The following FXYD7 variants were observed in gnomAD, a reference collection of about 807,000 sequenced individuals.
FXYD7 encodes FXYD domain-containing ion transport regulator 7.
In FXYD7, 7 loss-of-function variants were observed where a neutral mutation model predicts 15.3. The ratio of observed to expected loss-of-function variants is 0.46; its 90% CI spans 0.26 to 0.86. The LOEUF (loss-of-function observed/expected upper bound fraction) is 0.86, where lower values mean the gene tolerates loss of function less well. Among genes scored for constraint, FXYD7 ranks in the 40% least tolerant of loss-of-function variants. FXYD7 has a pLI of 0.16. For missense variants in FXYD7, 78 were observed against 100.6 expected (o/e 0.78, Z 0.96); for synonymous variants, 39 against 39.3 (o/e 0.99, Z 0.03).
chr19:35,153,051 T>TTTTTTTTTTTTTTG (rs2065320829), intron 5 of FXYD7, among the ~76,000 whole-genome samples: 1 of 126,054 alleles, frequency 7.9e-6, no homozygotes, highest in Non-Finnish European at 1.7e-5. Flanking sequence ...TTTTTTTTTT[T>TTTTTTTTTTTTTTG]TTTTTTTTTT....
intron 5 of FXYD7, among the ~76,000 whole-genome samples, chr19:35,153,413 C>T (rs1433459999): frequency 2.0e-5 from 3 of 152,126 alleles, no homozygotes; most frequent in East Asian, 3.8e-4. Context: ...CTTATGGATG[C>T]GTGGGGCAGC....
chr19:35,153,943 G>C lies in FXYD7; in HGVS notation c.*27G>C, dbSNP rs756733652. 6.2e-7 allele frequency: 1 copy of C among 1,608,940 alleles called. No individual in the cohort carries two copies. The highest frequency in any genetic ancestry group is 8.5e-7 in the Non-Finnish European group (1 of 1,177,146). ...ACCTTCCCGAGGAAACTCCGCTGCCGACCCTGCCTGAGCGCGGGAGCCTGA... is the reference window on the plus strand; with the variant it reads ...ACCTTCCCGAGGAAACTCCGCTGCCCACCCTGCCTGAGCGCGGGAGCCTGA... On this transcript the variant is annotated 3_prime_UTR_variant, in exon 6 of 6. Coordinates refer to ENST00000270310, the MANE Select transcript of FXYD7 (RefSeq NM_022006.2).
At chr19:35,147,375 C>T (rs74733101) in intron 1 of FXYD7, among the ~76,000 whole-genome samples, 4,129 of 152,238 alleles carry the variant, frequency 0.027, 82 homozygotes, top group Non-Finnish European at 0.042. Context: ...CCAAATTCTG[C>T]TCTAGGGAAG....
chr19:35,145,933 A>G (rs1417739392), intron 1 of FXYD7, among the ~76,000 whole-genome samples: 1 of 150,230 alleles, frequency 6.7e-6, no homozygotes, highest in Non-Finnish European at 1.5e-5. Flanking sequence ...CACTTCTGCT[A>G]CACCCAGCTA....
rs777409658 is a variant in FXYD7, at chr19:35,153,875, G to A, written c.221-19G>A. ...AGTTTCCACCTTTCTAGTGGCTCAC[G>A]CACCCCCTCTCTCCCCAGCCCCTGG... On this transcript the variant is annotated intron_variant, in intron 5 of 5. Transcript: ENST00000270310. The A allele has an allele frequency of 1.3e-5, 21 of 1,611,836 alleles. No individual in the cohort carries two copies. The highest frequency in any genetic ancestry group is 2.7e-5 in the African/African-American group (2 of 74,814).
chr19:35,147,535 C>T (rs1489855387), intron 1 of FXYD7, among the ~76,000 whole-genome samples: 2 of 152,186 alleles, frequency 1.3e-5, no homozygotes, highest in African/African-American at 4.8e-5. Context: ...GAGACACACA[C>T]ACATTTTATC....
chr19:35,153,986 TGG>T lies in FXYD7; in HGVS notation c.*73_*74del. 1 of 1,492,788 alleles carries T rather than the reference TGG, an allele frequency of 6.7e-7. No homozygotes were observed. Among genetic ancestry groups the T allele is most frequent in the Non-Finnish European group, 9.3e-7 (1 of 1,079,136 alleles). The allele number at this position is 1,492,788 out of a possible 1,614,324, so 92.5% of individuals were successfully genotyped here. A position where few individuals can be genotyped will look rare whatever the true frequency, so the allele number is the denominator to read the frequency against. Reference sequence around the variant, plus strand: ...GAGCCTGAGGACCGGGTGGAGGCGGTGGGGACCCAGCCGCGCGCCGGGAGCGC... The same window carrying T: ...GAGCCTGAGGACCGGGTGGAGGCGGTGGACCCAGCCGCGCGCCGGGAGCGC... On this transcript the variant is annotated 3_prime_UTR_variant, in exon 6 of 6. Coordinates refer to ENST00000270310, the MANE Select transcript of FXYD7 (RefSeq NM_022006.2).
At chr19:35,152,819 G>A (rs2065316934) in intron 5 of FXYD7, among the ~76,000 whole-genome samples, 1 of 151,630 alleles carries the variant, frequency 6.6e-6, no homozygotes, top group Non-Finnish European at 1.5e-5. Flanking sequence ...TCTCTTTGAG[G>A]CTGTTAATTT....
At position 35,151,675 on chromosome 19, in the gene FXYD7, T is replaced by G. The variant is rs2065310742; in HGVS notation, c.220+2T>G. The stretch of plus-strand genomic sequence containing the variant: ...GTAAGTCTGAGCTTCCCTCTTCAGG[T>G]GAGGGTGAGAAACTGTGTGGTTCTG... On this transcript the variant is annotated splice_donor_variant, in intron 5 of 5. Coordinates refer to ENST00000270310, the MANE Select transcript of FXYD7 (RefSeq NM_022006.2). LOFTEE classifies it high-confidence loss of function. 6.2e-7 allele frequency: 1 copy of G among 1,608,306 alleles called. No homozygotes were observed. The highest frequency in any genetic ancestry group is 1.4e-5 in the African/African-American group (1 of 73,860).
intron 1 of FXYD7, among the ~76,000 whole-genome samples, chr19:35,145,753 A>T (rs2065286897): frequency 6.6e-6 from 1 of 152,012 alleles, no homozygotes; most frequent in Non-Finnish European, 1.5e-5. Context: ...TATTTATTTA[A>T]TTTTTTTCCT....
intron 1 of FXYD7, among the ~76,000 whole-genome samples, chr19:35,144,554 T>A (rs1343374963): frequency 6.6e-6 from 1 of 151,704 alleles, no homozygotes; most frequent in Non-Finnish European, 1.5e-5. Context: ...GGAACCCGAA[T>A]TCCACTTGGA....
At chr19:35,149,712 A>G (rs943385726) in intron 2 of FXYD7, 2 of 152,400 alleles carry the variant, frequency 1.3e-5, no homozygotes, top group Non-Finnish European at 2.9e-5. Flanking sequence ...TCAAGAATGC[A>G]AGAATTCCTG....
intron 1 of FXYD7, among the ~76,000 whole-genome samples, chr19:35,147,673 A>C (rs2065293209): frequency 6.6e-6 from 1 of 152,140 alleles, no homozygotes; most frequent in Admixed American, 6.5e-5. Flanking sequence ...TCAATTTTGA[A>C]TCTTAAACTT....
intron 2 of FXYD7, chr19:35,149,310 A>G: frequency 9.0e-6 from 3 of 333,314 alleles, no homozygotes; most frequent in Non-Finnish European, 1.8e-5. Context: ...CCTAGGTGTC[A>G]ATTTCTCTCC....
In FXYD7 at chr19:35,148,994, GA is replaced by G. The variant is rs545258434; in HGVS notation, c.61+275del. On this transcript the variant is annotated intron_variant, in intron 2 of 5. Coordinates refer to ENST00000270310, the MANE Select transcript of FXYD7 (RefSeq NM_022006.2). ...GGTGTCGCCAGAGAAGCAGATGAAG[GA>G]AAACCTTAGAAGCAATGACTCTGAG... 1,929 of 606,312 alleles carry G rather than the reference GA, an allele frequency of 3.2e-3. 11 individuals carry two copies. Among genetic ancestry groups the G allele is most frequent in the Middle Eastern group, 4.1e-3 (16 of 3,882 alleles). 37.6% of individuals were successfully genotyped at this position (606,312 alleles called of 1,614,324 possible). A position where few individuals can be genotyped will look rare whatever the true frequency, so the allele number is the denominator to read the frequency against.
In FXYD7 at chr19:35,151,782, G is replaced by T. The variant is rs117378441; in HGVS notation, c.220+109G>T. 0.014 allele frequency: 11,074 copies of T among 774,918 alleles called. 328 individuals carry two copies. Among genetic ancestry groups the T allele is most frequent in the Non-Finnish European group, 0.02 (8,542 of 423,778 alleles). The allele number at this position is 774,918 out of a possible 1,614,324, so 48.0% of individuals were successfully genotyped here. On this transcript the variant is annotated intron_variant, in intron 5 of 5. Transcript: ENST00000270310. The stretch of plus-strand genomic sequence containing the variant: ...GACTGGACGCAGGGGGCGGAGGGGG[G>T]GTGGTGCCTGCAGATATCACAGGAC...
At chr19:35,151,211 A>C (rs771346053) in intron 2 of FXYD7, 43 bp from the exon 3 acceptor site, 1 of 1,288,482 alleles carries the variant, frequency 7.8e-7, no homozygotes, top group Non-Finnish European at 1.1e-6. Flanking sequence ...AGGTGCAGCC[A>C]AGGTGCTGTC....
At chr19:35,147,101 A>G (rs1385515499) in intron 1 of FXYD7, among the ~76,000 whole-genome samples, 2 of 152,220 alleles carry the variant, frequency 1.3e-5, no homozygotes, top group Non-Finnish European at 2.9e-5. Context: ...AGCAGTCACC[A>G]CTGTGAACAT....
intron 1 of FXYD7, among the ~76,000 whole-genome samples, chr19:35,145,065 G>T (rs930327994): frequency 6.6e-6 from 1 of 152,102 alleles, no homozygotes; most frequent in Non-Finnish European, 1.5e-5. Flanking sequence ...TGGACCCTTA[G>T]CTTGGCCAGA....
Sources: gnomAD v4.1 joint callset for allele counts (sites outside exome capture counted in the v4.1 genomes callset) on GRCh38, gnomAD v4.1.1 for gene constraint, MANE v1.5 for transcripts, NCBI Gene and HGNC (gene_info 2026-07-23, HGNC 2026-07-21) for gene names.